SRGAP3: variants seen among roughly 807,000 people sequenced by gnomAD.
The protein encoded by SRGAP3 is SLIT-ROBO Rho GTPase activating protein 3.
Under a neutral mutation model 121.1 loss-of-function variants are expected in SRGAP3, and 39 were observed. The observed-to-expected ratio is 0.32, with a 90% CI of 0.25 to 0.42. The LOEUF (loss-of-function observed/expected upper bound fraction) is 0.42, where lower values mean the gene tolerates loss of function less well. Ranked by LOEUF, SRGAP3 falls within the 10% of genes least tolerant of loss-of-function variation. The probability of loss-of-function intolerance (pLI) is 1.00; values close to 1 mark genes in which losing one functional copy is unlikely to be tolerated. For missense variants in SRGAP3, 1,213 were observed against 1,470.6 expected, an observed-to-expected ratio of 0.82 and a Z score of 2.86; for synonymous variants, 601 against 570.0, an observed-to-expected ratio of 1.05 and a Z score of -0.77.
At chr3:9,261,648 G>GA (rs200702578) in intron 3 of SRGAP3, among the ~76,000 whole-genome samples, 18,109 of 151,352 alleles carry the variant, frequency 0.12, 1,376 homozygotes, top group African/African-American at 0.19. Context: ...CAAGATTAGA[G>GA]AAAAAAGAAT....
At chr3:9,114,673 T>C (rs1183821190) in intron 2 of SRGAP3, among the ~76,000 whole-genome samples, 2 of 150,970 alleles carry the variant, frequency 1.3e-5, no homozygotes, top group Non-Finnish European at 3.0e-5. Flanking sequence ...AAACTCTGCC[T>C]CATAGGCAAT....
intron 1 of SRGAP3, among the ~76,000 whole-genome samples, chr3:9,138,772 C>A (rs1039064364): frequency 3.3e-5 from 5 of 152,304 alleles, no homozygotes; most frequent in African/African-American, 1.2e-4. Context: ...CATGAAATTA[C>A]CTTCAGGCTA....
intron 1 of SRGAP3, among the ~76,000 whole-genome samples, chr3:9,360,126 C>T (rs1270411011): frequency 6.6e-6 from 1 of 152,072 alleles, no homozygotes; most frequent in African/African-American, 2.4e-5. Flanking sequence ...GACAGGTCTC[C>T]CTATGTTGTC....
At chr3:9,030,194 A>AAT (rs750069513) in intron 12 of SRGAP3, among the ~76,000 whole-genome samples, 4 of 150,898 alleles carry the variant, frequency 2.7e-5, no homozygotes, top group Non-Finnish European at 5.9e-5. Flanking sequence ...TGAATGAATG[A>AAT]AATAGTATTT....
chr3:9,227,515 T>C (rs2125212749), intron 1 of SRGAP3, among the ~76,000 whole-genome samples: 1 of 152,336 alleles, frequency 6.6e-6, no homozygotes, highest in South Asian at 2.1e-4. Context: ...GGAGATGCCT[T>C]GCCCAAGGTC....
Position 8,990,729 on chromosome 3 carries a change from G to A in SRGAP3, c.2669C>T (p.Ala890Val), listed in dbSNP as rs201017825. The A allele has an allele frequency of 1.9e-6, 3 of 1,610,942 alleles. No individual in the cohort carries two copies. The highest frequency in any genetic ancestry group is 2.5e-6 in the Non-Finnish European group (3 of 1,179,068). Residue 890 changes from alanine to valine, a missense_variant, in exon 21 of 22, where the codon GCT (alanine) becomes GTT (valine). Around this residue, in one of 2 missense-constraint regions of SRGAP3, gnomAD observed 420 missense variants for 437.7 expected, o/e 0.96. Coordinates refer to ENST00000383836, the MANE Select transcript of SRGAP3 (RefSeq NM_014850.4). ...TTTGTGGGGGCTGCTGGGGCAGGCA[G>A]CAGCCCGGGGTGGTGTGTCTATGCT... ...GPSIDTPPRA[A>V]ACPSSPHKIP... is the part of the protein sequence containing the mutation.
At chr3:8,988,202 C>G (rs2247387) in intron 21 of SRGAP3, among the ~76,000 whole-genome samples, 14,065 of 152,236 alleles carry the variant, frequency 0.092, 680 homozygotes, top group East Asian at 0.13. Flanking sequence ...CATCTCCTCC[C>G]CAATTCGATC....
intron 1 of SRGAP3, among the ~76,000 whole-genome samples, chr3:9,197,095 G>A (rs1574852038): frequency 6.6e-6 from 1 of 152,144 alleles, no homozygotes; most frequent in African/African-American, 2.4e-5. Context: ...CAGCCTCAAC[G>A]ATGGTTTTCA....
chr3:9,153,015 A>T (rs1431723901), intron 1 of SRGAP3, among the ~76,000 whole-genome samples: 1 of 151,742 alleles, frequency 6.6e-6, no homozygotes, highest in Non-Finnish European at 1.5e-5. Flanking sequence ...TCCCAATCAA[A>T]CTCTCCAGTA....
At chr3:9,053,318 A>G in intron 8 of SRGAP3, 94 bp from the exon 9 acceptor site, 1 of 1,240,976 alleles carries the variant, frequency 8.1e-7, no homozygotes, top group Non-Finnish European at 1.2e-6. Context: ...TACTTCTTCC[A>G]TATGAAGTCC....
At chr3:9,059,066 G>T (rs924650566) in intron 6 of SRGAP3, 1 of 154,608 alleles carries the variant, frequency 6.5e-6, no homozygotes, top group Non-Finnish European at 1.4e-5. Context: ...CCCTTCTTTC[G>T]GAATTCAGTT....
In SRGAP3 at chr3:9,113,149, C is replaced by A. The variant is rs73017429; in HGVS notation, c.261-8307G>T. Among the ~76,000 whole-genome samples the A allele has an allele frequency of 2.0e-5, 3 of 152,120 alleles. No homozygotes were observed. In the East Asian group the frequency reaches 5.8e-4, roughly 29 times the overall value. ...GAAGGACAAGACGTGCATGGGGCTG[C>A]GTACTAGTTTTGTAGGTGCTGTCAC... On this transcript the variant is annotated intron_variant, in intron 2 of 21. Coordinates refer to ENST00000383836, the MANE Select transcript of SRGAP3 (RefSeq NM_014850.4).
intron 1 of SRGAP3, among the ~76,000 whole-genome samples, chr3:9,230,481 C>T (rs1953162742): frequency 6.6e-6 from 1 of 152,192 alleles, no homozygotes; most frequent in African/African-American, 2.4e-5. Context: ...ATCGTACCCC[C>T]ATGCCAGAAT....
At chr3:9,357,258 AT>A (rs987558808) in intron 1 of SRGAP3, among the ~76,000 whole-genome samples, 42 of 151,718 alleles carry the variant, frequency 2.8e-4, no homozygotes, top group Admixed American at 2.0e-3. Context: ...ATATATATAC[AT>A]TTTTTTTAAT....
At chr3:9,162,216 A>G (rs1470937506) in intron 1 of SRGAP3, among the ~76,000 whole-genome samples, 1 of 152,200 alleles carries the variant, frequency 6.6e-6, no homozygotes, top group Non-Finnish European at 1.5e-5. Flanking sequence ...AGATGGATGT[A>G]GGTGACAGTT....
intron 2 of SRGAP3, among the ~76,000 whole-genome samples, chr3:9,108,880 A>T (rs953649541): frequency 6.6e-6 from 1 of 152,104 alleles, no homozygotes; most frequent in African/African-American, 2.4e-5. Flanking sequence ...GACTTGAGAG[A>T]TTTCTCAACA....
intron 18 of SRGAP3, among the ~76,000 whole-genome samples, chr3:9,000,048 G>T (rs1393288314): frequency 6.6e-6 from 1 of 152,174 alleles, no homozygotes; most frequent in Non-Finnish European, 1.5e-5. Flanking sequence ...CAAGCTTGGG[G>T]AGATGGAGGC....
chr3:9,208,703 C>T (rs1297314893), intron 1 of SRGAP3, among the ~76,000 whole-genome samples: 1 of 152,138 alleles, frequency 6.6e-6, no homozygotes, highest in Non-Finnish European at 1.5e-5. Flanking sequence ...TCCAATGCTT[C>T]AGGAAGGGAG....
chr3:9,348,207 T>A (rs1031133534), intron 1 of SRGAP3, among the ~76,000 whole-genome samples: 1 of 152,196 alleles, frequency 6.6e-6, no homozygotes, highest in African/African-American at 2.4e-5. Context: ...ACCTTTTCTC[T>A]GCACATTCTC....
Sources: allele counts gnomAD v4.1 joint callset (sites outside exome capture counted in the v4.1 genomes callset), GRCh38; gene constraint gnomAD v4.1.1; regional missense constraint gnomAD v4.1.1; transcripts MANE v1.5; gene names NCBI Gene and HGNC (gene_info 2026-07-23, HGNC 2026-07-21).